The following ANXA6 variants were observed in gnomAD, a reference collection of about 807,000 sequenced individuals.
ANXA6 encodes 67 kDa calelectrin.
ANXA6 carries 71 observed loss-of-function variants against 95.4 expected under a neutral mutation model. The observed-to-expected ratio is 0.74, with a 90% confidence interval of 0.61 to 0.91. The LOEUF is 0.91. Among genes scored for constraint, ANXA6 ranks in the 40% least tolerant of loss-of-function variants. ANXA6 has a pLI of 0.00. For missense variants in ANXA6, 830 were observed against 876.4 expected, an observed-to-expected ratio of 0.95 and a Z score of 0.67; for synonymous variants, 289 against 315.9, an observed-to-expected ratio of 0.91 and a Z score of 0.90.
intron 23 of ANXA6, among the ~76,000 whole-genome samples, chr5:151,106,095 C>T (rs1225029231): frequency 1.3e-5 from 2 of 152,178 alleles, no homozygotes; most frequent in East Asian, 3.9e-4. Context: ...CATGCAAATC[C>T]CTGGGGCTGA....
Position 151,131,267 on chromosome 5 carries a change from C to T in ANXA6, c.759G>A (p.Pro253=), listed in dbSNP as rs371348114. The change falls in exon 11 of 26, where the codon CCG becomes CCA. Residue 253 remains proline (P), a synonymous_variant. Coordinates refer to ENST00000354546, the MANE Select transcript of ANXA6 (RefSeq NM_001155.5). The part of the protein sequence containing the change: ...LAVVKCIRST[P]EYFAERLFKA... ...TGAAGAGCCTTTCAGCAAAATATTC[C>T]GGGGTGCTCCGGATACACTTCACTG... is the stretch of plus-strand genomic sequence containing the variant. 38 of 1,613,836 alleles carry T rather than the reference C, an allele frequency of 2.4e-5. No homozygotes were observed. The Middle Eastern group carries it at 9.9e-4, about 42-fold the overall frequency.
chr5:151,142,190 C>T (rs1765857199), intron 2 of ANXA6, among the ~76,000 whole-genome samples: 1 of 152,194 alleles, frequency 6.6e-6, no homozygotes. Flanking sequence ...GATGGAGAAA[C>T]AAGAGGTGCC....
At chr5:151,116,812 T>G (rs1385896671) in intron 20 of ANXA6, among the ~76,000 whole-genome samples, 1 of 152,222 alleles carries the variant, frequency 6.6e-6, no homozygotes, top group African/African-American at 2.4e-5. Context: ...GCCACTGATT[T>G]GCTGTGTGAC....
chr5:151,148,052 T>G, intron 1 of ANXA6, 126 bp from the exon 2 acceptor site: 1 of 890,032 alleles, frequency 1.1e-6, no homozygotes. Context: ...TCAGACCCAA[T>G]GACCCAGCTC....
chr5:151,152,222 CCTATAGGTA>C (rs1766124570), intron 1 of ANXA6, among the ~76,000 whole-genome samples: 1 of 152,184 alleles, frequency 6.6e-6, no homozygotes, highest in Non-Finnish European at 1.5e-5. Context: ...GATAGAAATA[CCTATAGGTA>C]CTGAGAAATA....
chr5:151,110,578 G>A, intron 21 of ANXA6, 49 bp downstream of exon 21: 1 of 1,606,222 alleles, frequency 6.2e-7, no homozygotes, highest in African/African-American at 1.3e-5. Context: ...AGTAAAGGCG[G>A]ACTTTACTCA....
intron 17 of ANXA6, 24 bp from the exon 18 acceptor site, chr5:151,119,414 T>C: frequency 6.2e-7 from 1 of 1,608,574 alleles, no homozygotes; most frequent in South Asian, 1.1e-5. Context: ...GCAAAGATGA[T>C]CTCAGCCATA....
chr5:151,120,026 C>T (rs1375320051), intron 17 of ANXA6, among the ~76,000 whole-genome samples: 1 of 152,148 alleles, frequency 6.6e-6, no homozygotes, highest in African/African-American at 2.4e-5. Flanking sequence ...GCCACAGAAG[C>T]ATGCCACCAT....
chr5:151,124,748 C>A (rs757012763), intron 14 of ANXA6, among the ~76,000 whole-genome samples: 8 of 152,168 alleles, frequency 5.3e-5, no homozygotes, highest in Non-Finnish European at 1.2e-4. Flanking sequence ...CCCCCGAGGC[C>A]CCCTCTGCCT....
chr5:151,122,196 A>G lies in ANXA6; in HGVS notation c.1298T>C (p.Met433Thr). Residue 433 changes from methionine (M) to threonine (T), a missense_variant, in exon 17 of 26, where the codon ATG becomes ACG. Met to Thr is a moderately conservative substitution (Grantham distance 81). Transcript: ENST00000354546. Reference protein sequence around the residue: ...GDLARLILGLMMPPAHYDAKQ... With the variant: ...GDLARLILGLTMPPAHYDAKQ... ...GGCATCGTAATGGGCCGGTGGCATC[A>G]TGAGCCCCAGAATCAGCCTTGCCAG... The G allele has an allele frequency of 2.5e-6, 4 of 1,603,220 alleles. No homozygotes were observed. Among genetic ancestry groups the G allele is most frequent in the Non-Finnish European group, 3.4e-6 (4 of 1,176,130 alleles).
In ANXA6 at chr5:151,117,178, C is replaced by G. The variant is rs1328409861; in HGVS notation, c.1521G>C (p.Gly507=). 1 of 1,590,760 alleles carries G rather than the reference C, an allele frequency of 6.3e-7. No homozygotes were observed. The highest frequency in any genetic ancestry group is 1.3e-5 in the African/African-American group (1 of 74,088). The change falls in exon 20 of 26, where the codon GGG becomes GGC. Residue 507 remains glycine, a splice_region_variant and synonymous_variant. Transcript: ENST00000354546. ...FRRILISLAT[G]HREEGGENLD... is the part of the protein sequence containing the mutation. ...GGTTTTCTCCTCCCTCCTCACGATG[C>G]CCCTGCAGCAGGAGCAGCAAGAAAG... is the stretch of plus-strand genomic sequence containing the variant.
At chr5:151,156,013 C>G (rs758274639) in intron 1 of ANXA6, among the ~76,000 whole-genome samples, 7 of 152,236 alleles carry the variant, frequency 4.6e-5, no homozygotes, top group Non-Finnish European at 1.0e-4. Context: ...GCTTCCCTGG[C>G]CCCTCCTCTG....
rs555143194 is a variant in ANXA6 at position 151,132,539 on chromosome 5, G to A, written c.673C>T (p.Pro225Ser). 1.2e-6 allele frequency: 2 copies of A among 1,613,408 alleles called. No homozygotes were observed. The highest frequency in any genetic ancestry group is 2.2e-5 in the South Asian group (2 of 90,900). Residue 225 changes from proline (P) to serine (S), a missense_variant, in exon 10 of 26, where the codon CCG becomes TCG. Physicochemically the swap from Pro to Ser is moderately conservative, Grantham distance 74. Transcript: ENST00000354546. Reference sequence around the variant, plus strand: ...TCCCCTCGGATGCTGGCTTCAATCGGCTTCCCTGTGGTCTTCAGATACTCA... The same window carrying A: ...TCCCCTCGGATGCTGGCTTCAATCGACTTCCCTGTGGTCTTCAGATACTCA... ...FDEYLKTTGKPIEASIRGELS... is the reference protein window; with the variant it reads ...FDEYLKTTGKSIEASIRGELS...
At chr5:151,141,441 A>T (rs1022395101) in intron 2 of ANXA6, 4 of 869,948 alleles carry the variant, frequency 4.6e-6, no homozygotes, top group Admixed American at 1.2e-4. Flanking sequence ...AAATAAGGTA[A>T]TGTGGGAAAA....
chr5:151,142,423 A>G (rs1471094589), intron 2 of ANXA6, among the ~76,000 whole-genome samples: 1 of 151,900 alleles, frequency 6.6e-6, no homozygotes, highest in African/African-American at 2.4e-5. Flanking sequence ...GGTTGTAGTG[A>G]GCTCAGATCG....
chr5:151,123,270 GC>G (rs1310198730), intron 15 of ANXA6, among the ~76,000 whole-genome samples: 1 of 152,218 alleles, frequency 6.6e-6, no homozygotes, highest in Non-Finnish European at 1.5e-5. Context: ...GGGAGTCAGT[GC>G]CTCTGAGTTC....
chr5:151,149,662 T>A (rs113416953), intron 1 of ANXA6, among the ~76,000 whole-genome samples: 3,094 of 152,218 alleles, frequency 0.02, 104 homozygotes, highest in African/African-American at 0.071. Context: ...AATTTTCGTA[T>A]TTTTAGTAGA....
In ANXA6 at chr5:151,131,222, A is replaced by G; in HGVS notation, c.795+9T>C. ...CCCAAACCCCATTCACATCAGCCCC[A>G]CCACGCACCTTCATAGCCTTGAAGA... On this transcript the variant is annotated intron_variant, in intron 11 of 25. Coordinates refer to ENST00000354546, the MANE Select transcript of ANXA6 (RefSeq NM_001155.5). The G allele has an allele frequency of 6.2e-7, 1 of 1,613,870 alleles. No individual in the cohort carries two copies. Among genetic ancestry groups the G allele is most frequent in the Non-Finnish European group, 8.5e-7 (1 of 1,179,792 alleles).
chr5:151,148,092 A>G (rs548185258), intron 1 of ANXA6, among the ~76,000 whole-genome samples, 166 bp from the exon 2 acceptor site: 257 of 151,810 alleles, frequency 1.7e-3, no homozygotes, highest in African/African-American at 6.0e-3. Context: ...TCAGAAGACA[A>G]TGGACAGACT....
Sources: allele counts gnomAD v4.1 joint callset (sites outside exome capture counted in the v4.1 genomes callset), GRCh38; gene constraint gnomAD v4.1.1; transcripts MANE v1.5; gene names NCBI Gene and HGNC (gene_info 2026-07-23, HGNC 2026-07-21).